Variants in CNTN5 observed in about 807,000 individuals in gnomAD.
CNTN5 encodes contactin-5.
A neutral mutation model predicts 129.1 loss-of-function variants in CNTN5; 77 were observed. That is an observed-to-expected ratio of 0.60 (90% CI 0.50 to 0.72). The LOEUF (loss-of-function observed/expected upper bound fraction) is 0.72. CNTN5 is among the 30% of genes least tolerant of loss of function. CNTN5 has a pLI of 0.00. For missense variants in CNTN5, 1,478 were observed against 1,328.8 expected (o/e 1.11, Z -1.75); for synonymous variants, 509 against 465.6 (o/e 1.09, Z -1.20).
At chr11:99,528,015 T>C (rs189563434) in intron 2 of CNTN5, among the ~76,000 whole-genome samples, 21 of 152,294 alleles carry the variant, frequency 1.4e-4, no homozygotes, top group Non-Finnish European at 2.8e-4. Context: ...GGAAATCTAA[T>C]GCATTCCTTG....
chr11:100,035,396 G>T (rs1941933576), intron 9 of CNTN5, among the ~76,000 whole-genome samples: 3 of 145,392 alleles, frequency 2.1e-5, no homozygotes, highest in Admixed American at 2.0e-4. Flanking sequence ...TTGGTTCCAA[G>T]TCTTTGCTAT....
intron 23 of CNTN5, among the ~76,000 whole-genome samples, chr11:100,349,373 C>T (rs1056774893): frequency 1.3e-5 from 2 of 151,750 alleles, no homozygotes; most frequent in Admixed American, 6.6e-5. Context: ...AAATACCAAC[C>T]CTTTAACAGT....
intron 2 of CNTN5, among the ~76,000 whole-genome samples, chr11:99,346,261 A>G (rs766309880): frequency 6.6e-6 from 1 of 152,234 alleles, no homozygotes; most frequent in African/African-American, 2.4e-5. Context: ...ATGATCAACA[A>G]TCGATTGATT....
At chr11:99,379,287 G>A (rs185944864) in intron 2 of CNTN5, among the ~76,000 whole-genome samples, 1 of 150,190 alleles carries the variant, frequency 6.7e-6, no homozygotes, top group Admixed American at 6.6e-5. Context: ...GAATAACTAT[G>A]ATGAAGTTGA....
intron 18 of CNTN5, among the ~76,000 whole-genome samples, chr11:100,286,047 T>C (rs570979): frequency 0.86 from 131,044 of 151,830 alleles, 56,985 homozygotes; most frequent in East Asian, 1. Context: ...GCTTTTCCGA[T>C]AGGCTTAAAA....
chr11:100,310,460 C>A (rs1263621590), intron 21 of CNTN5, among the ~76,000 whole-genome samples: 1 of 151,852 alleles, frequency 6.6e-6, no homozygotes, highest in African/African-American at 2.4e-5. Context: ...AAATATAAAT[C>A]ATTCATTCTT....
chr11:99,324,834 G>T (rs1865713372), intron 1 of CNTN5, among the ~76,000 whole-genome samples: 1 of 152,048 alleles, frequency 6.6e-6, no homozygotes. Context: ...GTAGAGACGG[G>T]GTTTCACCGT....
chr11:100,051,743 T>A (rs1942964562), intron 9 of CNTN5, among the ~76,000 whole-genome samples: 1 of 151,710 alleles, frequency 6.6e-6, no homozygotes, highest in Non-Finnish European at 1.5e-5. Flanking sequence ...TTAACCAATA[T>A]CAATCATGAA....
At chr11:99,659,249 G>GA (rs199816880) in intron 3 of CNTN5, among the ~76,000 whole-genome samples, 1 of 152,046 alleles carries the variant, frequency 6.6e-6, no homozygotes, top group Non-Finnish European at 1.5e-5. Context: ...AAGAAAAAGG[G>GA]AAAAAAATTA....
chr11:99,276,720 AT>A (rs989396764), intron 1 of CNTN5, among the ~76,000 whole-genome samples: 39 of 151,474 alleles, frequency 2.6e-4, no homozygotes, highest in African/African-American at 8.0e-4. Context: ...ATTTGAGTGT[AT>A]TTTTTTATAC....
intron 8 of CNTN5, among the ~76,000 whole-genome samples, chr11:99,984,192 G>A (rs566156430): frequency 1.6e-3 from 250 of 152,134 alleles, no homozygotes; most frequent in African/African-American, 5.4e-3. Flanking sequence ...CGAGAGAATC[G>A]CTTGAACCAA....
rs1938311588 is a variant in CNTN5, at chr11:99,981,095, TA to T, written c.878-20938del. 3.4e-5 allele frequency among the ~76,000 whole-genome samples: 3 copies of T among 87,678 alleles called. No homozygotes were observed. In the Admixed American group the frequency reaches 3.9e-4, roughly 12 times the overall value. 57.5% of individuals were successfully genotyped at this position (87,678 alleles called of 152,430 possible). ...CCAATAGGATATATATATATATATA[TA>T]TATATATACACACACACACACATAT... is the stretch of plus-strand genomic sequence containing the variant. On this transcript the variant is annotated intron_variant, in intron 8 of 24. Transcript: ENST00000524871.
At position 99,607,391 on chromosome 11, in the gene CNTN5, A is replaced by G. The variant is rs1431425385; in HGVS notation, c.55+51122A>G. On this transcript the variant is annotated intron_variant, in intron 3 of 24. Coordinates refer to ENST00000524871, the MANE Select transcript of CNTN5 (RefSeq NM_014361.4). ...CATCAGAGAAATGCAAATCAAAACC[A>G]CTGTGAGATATCATCTCACACCAGT... Among the ~76,000 whole-genome samples, 5 of 147,030 alleles carry G rather than the reference A, an allele frequency of 3.4e-5. No homozygotes were observed. In the Admixed American group the frequency reaches 3.4e-4, roughly 10 times the overall value.
Position 100,193,595 on chromosome 11 carries a change from T to G in CNTN5, c.1816T>G (p.Tyr606Asp), listed in dbSNP as rs751699257. ...CGATGCTAGTTTGGATGTCACTTTC[T>G]ACTGGACTCTGAAAGGACAGCCTAT... ...IHDASLDVTF[Y>D]WTLKGQPIDF... Residue 606 changes from tyrosine (Y) to aspartate (D), a missense_variant, in exon 15 of 25, where the codon TAC (tyrosine) becomes GAC (aspartate). Tyr to Asp is a radical substitution (Grantham distance 160, BLOSUM62 -3). Coordinates refer to ENST00000524871, the MANE Select transcript of CNTN5 (RefSeq NM_014361.4). 7 of 1,612,252 alleles carry G rather than the reference T, an allele frequency of 4.3e-6. No homozygotes were observed. The Admixed American group carries it at 1.0e-4, about 23-fold the overall frequency.
chr11:100,218,020 C>A (rs1949180417), intron 15 of CNTN5, among the ~76,000 whole-genome samples: 1 of 152,186 alleles, frequency 6.6e-6, no homozygotes, highest in Admixed American at 6.5e-5. Flanking sequence ...CACCTCCATT[C>A]TTTCAACTGA....
chr11:99,927,824 A>G (rs1950097819), intron 7 of CNTN5, among the ~76,000 whole-genome samples: 1 of 152,116 alleles, frequency 6.6e-6, no homozygotes, highest in African/African-American at 2.4e-5. Flanking sequence ...ATTTCAAAAC[A>G]CAGTCATGCC....
chr11:100,076,675 T>G (rs1944140958), intron 13 of CNTN5, among the ~76,000 whole-genome samples: 1 of 152,020 alleles, frequency 6.6e-6, no homozygotes, highest in African/African-American at 2.4e-5. Flanking sequence ...AATGTAATTT[T>G]TTTTTTTAAT....
chr11:99,085,516 A>G (rs1418317565), intron 1 of CNTN5, among the ~76,000 whole-genome samples: 1 of 152,040 alleles, frequency 6.6e-6, no homozygotes, highest in African/African-American at 2.4e-5. Flanking sequence ...ACATTTTTGA[A>G]ATTTTGGAAT....
At chr11:99,837,173 G>T (rs1229294421) in intron 4 of CNTN5, among the ~76,000 whole-genome samples, 2 of 152,130 alleles carry the variant, frequency 1.3e-5, no homozygotes, top group East Asian at 3.8e-4. Context: ...CGATGGAGTT[G>T]CTCTGTTTCA....
Sources: allele counts gnomAD v4.1 joint callset (sites outside exome capture counted in the v4.1 genomes callset), GRCh38; gene constraint gnomAD v4.1.1; transcripts MANE v1.5; gene names NCBI Gene and HGNC (gene_info 2026-07-23, HGNC 2026-07-21).